The following OSBPL8 variants were observed in gnomAD, a reference collection of about 807,000 sequenced individuals.
OSBPL8 encodes oxysterol binding protein like 8.
Under a neutral mutation model 125.5 loss-of-function variants are expected in OSBPL8, and 59 were observed. The observed-to-expected ratio is 0.47, with a 90% CI of 0.38 to 0.58. The LOEUF (loss-of-function observed/expected upper bound fraction) is 0.58. Ranked by LOEUF, OSBPL8 falls within the 20% of genes least tolerant of loss-of-function variation. The probability of loss-of-function intolerance (pLI) is 0.00; values close to 1 mark genes in which losing one functional copy is unlikely to be tolerated. For missense variants in OSBPL8, 758 were observed against 1,047.8 expected (o/e 0.72, Z 3.82); for synonymous variants, 330 against 338.9 (o/e 0.97, Z 0.29).
intron 4 of OSBPL8, among the ~76,000 whole-genome samples, chr12:76,415,388 C>T (rs1484662897): frequency 6.6e-6 from 1 of 151,984 alleles, no homozygotes; most frequent in Admixed American, 6.6e-5. Flanking sequence ...GCTGGGATTA[C>T]AGGTGCATGC....
chr12:76,475,114 G>A (rs1015272262), intron 2 of OSBPL8, among the ~76,000 whole-genome samples: 4 of 152,014 alleles, frequency 2.6e-5, no homozygotes, highest in African/African-American at 9.7e-5. Context: ...GGTTTTATGG[G>A]ACTCCCATGA....
chr12:76,483,554 A>C (rs1295163027), intron 2 of OSBPL8, among the ~76,000 whole-genome samples: 2 of 151,438 alleles, frequency 1.3e-5, no homozygotes, highest in African/African-American at 4.9e-5. Context: ...ACAGAGCGAG[A>C]CTCTGTCTCA....
At chr12:76,525,948 G>C (rs1269609375) in intron 1 of OSBPL8, among the ~76,000 whole-genome samples, 1 of 152,220 alleles carries the variant, frequency 6.6e-6, no homozygotes, top group East Asian at 1.9e-4. Flanking sequence ...CCTGAAGGGA[G>C]AGTTACTACA....
At chr12:76,399,847 G>T in intron 7 of OSBPL8, 26 bp downstream of exon 7, 1 of 1,546,998 alleles carries the variant, frequency 6.5e-7, no homozygotes. Context: ...CCAGCAATCT[G>T]AATTCATGAT....
At chr12:76,557,007 C>CAGGTCATTATTTGT (rs1335539758) in intron 1 of OSBPL8, among the ~76,000 whole-genome samples, 2 of 152,104 alleles carry the variant, frequency 1.3e-5, no homozygotes, top group Non-Finnish European at 2.9e-5. Context: ...GTCTTATTTG[C>CAGGTCATTATTTGT]AGGTCATTAT....
At chr12:76,430,103 G>A (rs556725645) in intron 4 of OSBPL8, among the ~76,000 whole-genome samples, 1 of 152,078 alleles carries the variant, frequency 6.6e-6, no homozygotes, top group Non-Finnish European at 1.5e-5. Context: ...AATCCTGTCC[G>A]CTGAGTGACC....
intron 1 of OSBPL8, among the ~76,000 whole-genome samples, chr12:76,532,851 T>C (rs1950385214): frequency 1.3e-5 from 2 of 152,106 alleles, no homozygotes; most frequent in African/African-American, 4.8e-5. Flanking sequence ...TCCACAAAGA[T>C]TGTTGCTTTC....
chr12:76,451,910 G>A (rs963752084), intron 3 of OSBPL8, among the ~76,000 whole-genome samples: 1 of 152,164 alleles, frequency 6.6e-6, no homozygotes, highest in Admixed American at 6.5e-5. Context: ...CCTGAGGCCA[G>A]GAGTTCGAGA....
intron 17 of OSBPL8, among the ~76,000 whole-genome samples, chr12:76,374,707 T>C (rs1952746153): frequency 6.6e-6 from 1 of 152,108 alleles, no homozygotes; most frequent in African/African-American, 2.4e-5. Context: ...CCCTAACTAT[T>C]GAGTCACCCA....
At chr12:76,529,807 C>T (rs1335091963) in intron 1 of OSBPL8, among the ~76,000 whole-genome samples, 2 of 152,190 alleles carry the variant, frequency 1.3e-5, no homozygotes, top group Non-Finnish European at 2.9e-5. Context: ...AAAGCCTATG[C>T]AAGGCAGGAA....
chr12:76,383,330 T>A (rs1187623447), intron 15 of OSBPL8, among the ~76,000 whole-genome samples: 1 of 148,982 alleles, frequency 6.7e-6, no homozygotes, highest in African/African-American at 2.5e-5. Flanking sequence ...ATATCAAATA[T>A]GAAATATAGA....
At chr12:76,548,817 T>A (rs1266309374) in intron 1 of OSBPL8, among the ~76,000 whole-genome samples, 1 of 152,088 alleles carries the variant, frequency 6.6e-6, no homozygotes, top group Non-Finnish European at 1.5e-5. Context: ...AGGAACCTAG[T>A]CTGTCTTTCT....
chr12:76,531,060 G>T (rs1454410206), intron 1 of OSBPL8, among the ~76,000 whole-genome samples: 2 of 152,118 alleles, frequency 1.3e-5, no homozygotes, highest in East Asian at 3.9e-4. Context: ...ATAAAAAGAG[G>T]TTTAACTGAC....
intron 21 of OSBPL8, among the ~76,000 whole-genome samples, chr12:76,362,595 G>C (rs1392861062): frequency 6.6e-6 from 1 of 152,132 alleles, no homozygotes; most frequent in African/African-American, 2.4e-5. Context: ...GGCAAAAGCT[G>C]GAAGCATTCT....
chr12:76,451,036 C>T (rs754500438), intron 3 of OSBPL8, 48 bp from the exon 4 acceptor site: 5 of 1,580,468 alleles, frequency 3.2e-6, no homozygotes, highest in Middle Eastern at 1.7e-4. Flanking sequence ...CACAGATTTA[C>T]ATAATAGTAT....
chr12:76,392,490 G>T, intron 10 of OSBPL8, 91 bp downstream of exon 10: 1 of 1,257,458 alleles, frequency 8.0e-7, no homozygotes, highest in Non-Finnish European at 1.1e-6. Context: ...TTCAGTCCTA[G>T]ATACACTACT....
intron 4 of OSBPL8, among the ~76,000 whole-genome samples, chr12:76,428,822 A>G (rs963143393): frequency 1.1e-4 from 16 of 152,180 alleles, no homozygotes; most frequent in Non-Finnish European, 2.1e-4. Flanking sequence ...GCTCAGGCTT[A>G]GTAAACAAGT....
chr12:76,535,104 T>A (rs73385565), intron 1 of OSBPL8, among the ~76,000 whole-genome samples: 5,998 of 151,754 alleles, frequency 0.04, 360 homozygotes, highest in African/African-American at 0.13. Context: ...GCAAAAAATA[T>A]AAACCATGAA....
chr12:76,436,214 T>G (rs1170182456), intron 4 of OSBPL8, among the ~76,000 whole-genome samples: 1 of 152,166 alleles, frequency 6.6e-6, no homozygotes, highest in African/African-American at 2.4e-5. Context: ...TCCAACCTTA[T>G]GGGCTTTGTA....
Sources: allele counts gnomAD v4.1 joint callset (sites outside exome capture counted in the v4.1 genomes callset), GRCh38; gene constraint gnomAD v4.1.1; transcripts MANE v1.5; gene names NCBI Gene and HGNC (gene_info 2026-07-23, HGNC 2026-07-21).